Variants in GABRB1 observed in about 807,000 individuals in gnomAD.
GABRB1 encodes the protein gamma-aminobutyric acid type A receptor subunit beta1.
In GABRB1, 17 loss-of-function variants were observed where a neutral mutation model predicts 51.6. The observed-to-expected ratio is 0.33, with a 90% CI of 0.23 to 0.49. The LOEUF is 0.49. Ranked by LOEUF, GABRB1 falls within the 20% of genes least tolerant of loss-of-function variation. The pLI is 0.99. For missense variants in GABRB1, 410 were observed against 600.6 expected, an observed-to-expected ratio of 0.68 and a Z score of 3.32; for synonymous variants, 247 against 218.9, an observed-to-expected ratio of 1.13 and a Z score of -1.14.
At chr4:47,042,735 A>T (rs914763141) in intron 3 of GABRB1, among the ~76,000 whole-genome samples, 1 of 151,882 alleles carries the variant, frequency 6.6e-6, no homozygotes, top group African/African-American at 2.4e-5. Flanking sequence ...ATATTTTAAA[A>T]GGTAACCAAA....
At chr4:47,374,446 A>C (rs1011160139) in intron 5 of GABRB1, among the ~76,000 whole-genome samples, 1 of 152,194 alleles carries the variant, frequency 6.6e-6, no homozygotes, top group Admixed American at 6.5e-5. Flanking sequence ...ACTGAAACCC[A>C]CTACTCAGGG....
intron 4 of GABRB1, among the ~76,000 whole-genome samples, chr4:47,198,179 G>A (rs952079704): frequency 6.6e-6 from 1 of 152,152 alleles, no homozygotes; most frequent in Admixed American, 6.5e-5. Flanking sequence ...GGCAGGATGT[G>A]AATCTCTATA....
intron 1 of GABRB1, among the ~76,000 whole-genome samples, chr4:47,021,404 G>C (rs1403263662): frequency 6.6e-6 from 1 of 152,134 alleles, no homozygotes; most frequent in Non-Finnish European, 1.5e-5. Context: ...ATAATAAACA[G>C]CTGTGATACT....
intron 5 of GABRB1, among the ~76,000 whole-genome samples, chr4:47,354,501 A>G (rs373753952): frequency 1.8e-4 from 27 of 152,256 alleles, no homozygotes; most frequent in East Asian, 1.2e-3. Context: ...CTGTGTTCTC[A>G]TGCTGTAATC....
chr4:47,007,895 A>ATATATATATATATATATATAG (rs375965914), intron 1 of GABRB1, among the ~76,000 whole-genome samples: 9 of 17,542 alleles, frequency 5.1e-4, no homozygotes, highest in Non-Finnish European at 1.2e-3. Context: ...TATATATATA[A>ATATATATATATATATATATAG]AATCAAGTTT....
intron 4 of GABRB1, among the ~76,000 whole-genome samples, chr4:47,176,138 G>C (rs756193725): frequency 3.3e-5 from 5 of 152,044 alleles, no homozygotes; most frequent in Non-Finnish European, 5.9e-5. Context: ...ATATTGAAGA[G>C]TCCAAATGTA....
chr4:47,191,127 C>A (rs1372493), intron 4 of GABRB1, among the ~76,000 whole-genome samples: 130,790 of 152,124 alleles, frequency 0.86, 56,234 homozygotes, highest in Middle Eastern at 0.92. Flanking sequence ...AGATGATCAG[C>A]AGATCAGAGA....
intron 3 of GABRB1, among the ~76,000 whole-genome samples, chr4:47,103,538 A>G (rs2109612020): frequency 6.6e-6 from 1 of 152,120 alleles, no homozygotes; most frequent in Middle Eastern, 3.4e-3. Context: ...GGTATGTGTG[A>G]TTGAAGAAAT....
intron 5 of GABRB1, among the ~76,000 whole-genome samples, chr4:47,320,668 C>T (rs1725048395): frequency 6.6e-6 from 1 of 151,832 alleles, no homozygotes; most frequent in Non-Finnish European, 1.5e-5. Flanking sequence ...ACTCATGGGG[C>T]TTATGCTTTG....
chr4:47,195,672 A>C (rs1450732046), intron 4 of GABRB1, among the ~76,000 whole-genome samples: 1 of 152,206 alleles, frequency 6.6e-6, no homozygotes, highest in Non-Finnish European at 1.5e-5. Context: ...GATGCAGAAC[A>C]ATAATGTATT....
At chr4:47,366,140 C>A (rs1188004216) in intron 5 of GABRB1, among the ~76,000 whole-genome samples, 4 of 152,186 alleles carry the variant, frequency 2.6e-5, no homozygotes, top group Non-Finnish European at 5.9e-5. Flanking sequence ...CCATTTTGAA[C>A]AATTCCAGGT....
rs71195605 is a variant in GABRB1 at position 47,125,559 on chromosome 4, C to CTTTTTTTTT, written c.241-35684_241-35676dup. 2.1e-4 allele frequency among the ~76,000 whole-genome samples: 17 copies of CTTTTTTTTT among 80,716 alleles called. 4 individuals carry two copies. The highest frequency in any genetic ancestry group is 1.3e-3 in the South Asian group (3 of 2,260). 53.0% of individuals were successfully genotyped at this position (80,716 alleles called of 152,430 possible). On this transcript the variant is annotated intron_variant, in intron 3 of 8. Coordinates refer to ENST00000295454, the MANE Select transcript of GABRB1 (RefSeq NM_000812.4). ...CTCTAGACACAACAAAGTATAATTT[C>CTTTTTTTTT]TTTTTTTTTTTTTTGAGACGGAGTC...
At chr4:47,404,035 G>C (rs1728486756) in intron 7 of GABRB1, among the ~76,000 whole-genome samples, 2 of 152,140 alleles carry the variant, frequency 1.3e-5, no homozygotes, top group African/African-American at 4.8e-5. Context: ...TTTAATGCCT[G>C]CTTTTAACAG....
intron 4 of GABRB1, among the ~76,000 whole-genome samples, chr4:47,289,605 A>T (rs902358848): frequency 2.0e-5 from 3 of 152,190 alleles, no homozygotes; most frequent in Non-Finnish European, 2.9e-5. Flanking sequence ...CTAAAATAGT[A>T]TTGGAAGGAG....
At chr4:47,124,467 C>A (rs2109658859) in intron 3 of GABRB1, among the ~76,000 whole-genome samples, 1 of 152,170 alleles carries the variant, frequency 6.6e-6, no homozygotes, top group Non-Finnish European at 1.5e-5. Context: ...AAGAATCAGG[C>A]AAATATAAAA....
chr4:47,221,089 A>G (rs1720751469), intron 4 of GABRB1, among the ~76,000 whole-genome samples: 1 of 152,026 alleles, frequency 6.6e-6, no homozygotes, highest in African/African-American at 2.4e-5. Flanking sequence ...ACTTTTGCTC[A>G]TGATTCTTAC....
At chr4:47,343,277 A>C (rs1231036147) in intron 5 of GABRB1, among the ~76,000 whole-genome samples, 3 of 152,084 alleles carry the variant, frequency 2.0e-5, no homozygotes, top group Non-Finnish European at 4.4e-5. Context: ...GGAATTTTTA[A>C]ACGAGGATAA....
intron 5 of GABRB1, among the ~76,000 whole-genome samples, chr4:47,365,649 T>C (rs962290045): frequency 1.3e-5 from 2 of 152,094 alleles, no homozygotes; most frequent in African/African-American, 4.8e-5. Context: ...TTCTGGTTGA[T>C]TTTACCAATG....
Position 46,994,483 on chromosome 4 carries a change from TGAGAGA to T in GABRB1, c.-20+572_-20+577del, listed in dbSNP as rs373937181. ...GAAAATGTGTGTGTGTGTGTGTGTG[TGAGAGA>T]GAGAGAGAGAGAGACAGAGAGAGAC... On this transcript the variant is annotated intron_variant, in intron 1 of 3. Transcript: ENST00000513567. 1.5e-4 allele frequency: 21 copies of T among 141,298 alleles called. No individual in the cohort carries two copies. In the South Asian group the frequency reaches 1.9e-3, roughly 12 times the overall value. The allele number at this position is 141,298 out of a possible 1,614,324, so 8.8% of individuals were successfully genotyped here. A position where few individuals can be genotyped will look rare whatever the true frequency, so the allele number is the denominator to read the frequency against.
Sources: allele counts gnomAD v4.1 joint callset (sites outside exome capture counted in the v4.1 genomes callset), GRCh38; gene constraint gnomAD v4.1.1; transcripts MANE v1.5; gene names NCBI Gene and HGNC (gene_info 2026-07-23, HGNC 2026-07-21).